SYT14: variants seen among roughly 807,000 people sequenced by gnomAD.
SYT14 encodes the protein synaptotagmin 14, also known as synaptotagmin-14.
Under a neutral mutation model 74.2 loss-of-function variants are expected in SYT14, and 32 were observed. That is an observed-to-expected ratio of 0.43 (90% CI 0.33 to 0.58). SYT14 has a LOEUF of 0.58. Among genes scored for constraint, SYT14 ranks in the 20% least tolerant of loss-of-function variants. SYT14 has a pLI of 0.05. For synonymous variants in SYT14, 298 were observed against 337.7 expected, an observed-to-expected ratio of 0.88 and a Z score of 1.29; for missense variants, 791 against 981.8, an observed-to-expected ratio of 0.81 and a Z score of 2.60.
intron 7 of SYT14, among the ~76,000 whole-genome samples, chr1:210,110,510 A>G (rs2082241701): frequency 6.6e-6 from 1 of 152,174 alleles, no homozygotes; most frequent in African/African-American, 2.4e-5. Context: ...ACCAGAATGA[A>G]AAGTCAAGAG....
intron 2 of SYT14, among the ~76,000 whole-genome samples, chr1:209,991,610 T>C (rs2102843683): frequency 6.6e-6 from 1 of 152,226 alleles, no homozygotes; most frequent in African/African-American, 2.4e-5. Flanking sequence ...AGAATAGCTG[T>C]TATTAAAAAG....
At chr1:209,970,661 G>GTTT (rs2079235310) in intron 2 of SYT14, among the ~76,000 whole-genome samples, 1 of 77,804 alleles carries the variant, frequency 1.3e-5, no homozygotes, top group Non-Finnish European at 2.8e-5. Flanking sequence ...GGGCAGTATG[G>GTTT]CTTTTTTTTT....
At chr1:210,096,225 T>G (rs568950943) in intron 6 of SYT14, among the ~76,000 whole-genome samples, 1 of 152,334 alleles carries the variant, frequency 6.6e-6, no homozygotes, top group South Asian at 2.1e-4. Context: ...AACAGTGCTC[T>G]TAACAACTAT....
In SYT14 at chr1:210,059,451, T is replaced by TATATATATAGAGAGAG. The variant is rs377050610; in HGVS notation, c.1313-34870_1313-34869insTATATATAGAGAGAGA. ...GAATATATATATATATATATATATA[T>TATATATATAGAGAGAG]AGAGAGAGAGAGAGAGAGAGAGAGA... On this transcript the variant is annotated intron_variant, in intron 5 of 9. Transcript: ENST00000637265. Among the ~76,000 whole-genome samples the TATATATATAGAGAGAG allele has an allele frequency of 2.6e-3, 185 of 69,874 alleles. 1 individual carries two copies. The highest frequency in any genetic ancestry group is 5.3e-3 in the African/African-American group (67 of 12,726). The allele number at this position is 69,874 out of a possible 152,430, so 45.8% of individuals were successfully genotyped here.
Position 210,058,573 on chromosome 1 carries a change from T to C in SYT14, c.1313-35749T>C, listed in dbSNP as rs139691758. Among the ~76,000 whole-genome samples the C allele has an allele frequency of 5.6e-3, 848 of 152,306 alleles. 6 individuals carry two copies. Among genetic ancestry groups the C allele is most frequent in the Middle Eastern group, 0.017 (5 of 294 alleles). The stretch of plus-strand genomic sequence containing the variant: ...ACAGGGGAAGACTTGGCTGCCCTCC[T>C]CTTGGTAGTTCCTCCGTGACTGCAG... On this transcript the variant is annotated intron_variant, in intron 5 of 9. Coordinates refer to ENST00000637265, the Ensembl canonical transcript of SYT14.
intron 5 of SYT14, among the ~76,000 whole-genome samples, chr1:210,089,811 C>T (rs556315764): frequency 2.6e-3 from 390 of 152,122 alleles, no homozygotes; most frequent in Middle Eastern, 0.01. Flanking sequence ...AACAAAGCAA[C>T]GAAAAAATCA....
At chr1:210,150,767 G>T (rs1428424641) in intron 7 of SYT14, among the ~76,000 whole-genome samples, 1 of 152,148 alleles carries the variant, frequency 6.6e-6, no homozygotes, top group Non-Finnish European at 1.5e-5. Flanking sequence ...AATTATCATT[G>T]TACAGTTCAG....
At position 210,017,219 on chromosome 1, in the gene SYT14, T is replaced by A. The variant is rs368098446; in HGVS notation, c.1096+120T>A. 65 of 646,032 alleles carry A rather than the reference T, an allele frequency of 1.0e-4. 1 individual carries two copies. In the East Asian group the frequency reaches 1.2e-3, roughly 12 times the overall value. The allele number at this position is 646,032 out of a possible 1,614,324, so 40.0% of individuals were successfully genotyped here. On this transcript the variant is annotated intron_variant, in intron 4 of 9. Coordinates refer to ENST00000637265, the Ensembl canonical transcript of SYT14. ...CATGTGTCTATATTTAAGACTTTCTTGAATCCTTTTACTGGGAAACATTTT... is the reference window on the plus strand; with the variant it reads ...CATGTGTCTATATTTAAGACTTTCTAGAATCCTTTTACTGGGAAACATTTT...
At chr1:210,151,594 A>T (rs1160335984) in intron 7 of SYT14, among the ~76,000 whole-genome samples, 1 of 140,816 alleles carries the variant, frequency 7.1e-6, no homozygotes, top group African/African-American at 2.6e-5. Context: ...ATCTCTTTGG[A>T]CTGCCACAAC....
chr1:210,161,694 G>A (rs2083375774), exon 10 of SYT14: 1 of 453,666 alleles, frequency 2.2e-6, no homozygotes, highest in Non-Finnish European at 4.4e-6. Context: ...TTTTTTAAAA[G>A]TTCATTTTTC....
chr1:210,071,727 G>T (rs2081398244), intron 5 of SYT14, among the ~76,000 whole-genome samples: 1 of 151,744 alleles, frequency 6.6e-6, no homozygotes, highest in Non-Finnish European at 1.5e-5. Flanking sequence ...TAAGAAAGAA[G>T]AAAGTAGGGG....
At chr1:210,159,425 A>C in exon 9 of SYT14, 1 of 1,551,390 alleles carries the variant, frequency 6.4e-7, no homozygotes, top group Non-Finnish European at 8.7e-7. Context: ...TGTCAGATGG[A>C]CTGTTCTGTT....
At chr1:210,166,908 T>G (rs1240452045) in exon 10 of SYT14, 1 of 152,166 alleles carries the variant, frequency 6.6e-6, no homozygotes, top group Non-Finnish European at 1.5e-5. Flanking sequence ...TTATTCATCT[T>G]TTTCTTGTGC....
At chr1:210,008,849 ACTC>A (rs2080035743) in intron 2 of SYT14, among the ~76,000 whole-genome samples, 1 of 152,142 alleles carries the variant, frequency 6.6e-6, no homozygotes, top group South Asian at 2.1e-4. Flanking sequence ...GGGAAATTCT[ACTC>A]CTATAATGAA....
chr1:210,034,127 C>T (rs144751502), intron 5 of SYT14, among the ~76,000 whole-genome samples: 11 of 151,706 alleles, frequency 7.3e-5, no homozygotes, highest in Admixed American at 4.6e-4. Flanking sequence ...TCATAATAAC[C>T]GTTAAGAGAC....
At chr1:209,939,853 C>T (rs2078701144) in intron 1 of SYT14, among the ~76,000 whole-genome samples, 1 of 152,196 alleles carries the variant, frequency 6.6e-6, no homozygotes, top group African/African-American at 2.4e-5. Context: ...AAAATCTTTT[C>T]AGTTTTTTCC....
chr1:209,958,147 C>T (rs772639530), intron 2 of SYT14, among the ~76,000 whole-genome samples: 1 of 152,074 alleles, frequency 6.6e-6, no homozygotes, highest in Non-Finnish European at 1.5e-5. Flanking sequence ...GTAGTTCCAG[C>T]ACAATTTACT....
At chr1:210,110,229 C>T (rs1160704492) in intron 7 of SYT14, among the ~76,000 whole-genome samples, 1 of 152,088 alleles carries the variant, frequency 6.6e-6, no homozygotes, top group Non-Finnish European at 1.5e-5. Context: ...AACAAACCTG[C>T]AGATTCTGCA....
intron 5 of SYT14, among the ~76,000 whole-genome samples, chr1:210,089,826 A>G (rs179113): frequency 3.3e-5 from 5 of 152,370 alleles, no homozygotes; most frequent in Admixed American, 6.5e-5. Flanking sequence ...AAATCAAGCA[A>G]TGAACGCATA....
Sources: gnomAD v4.1 joint callset for allele counts (sites outside exome capture counted in the v4.1 genomes callset) on GRCh38, gnomAD v4.1.1 for gene constraint, MANE v1.5 for transcripts, NCBI Gene and HGNC (gene_info 2026-07-23, HGNC 2026-07-21) for gene names.